Variants in SNAP25 observed in about 807,000 individuals in gnomAD.
SNAP25 encodes synaptosome associated protein 25.
SNAP25 carries 3 observed loss-of-function variants against 28.7 expected under a neutral mutation model. The ratio of observed to expected loss-of-function variants is 0.10; its 90% confidence interval spans 0.05 to 0.27. The LOEUF (loss-of-function observed/expected upper bound fraction) is 0.27. SNAP25 is among the 10% of genes least tolerant of loss of function. The probability of loss-of-function intolerance (pLI) is 1.00; values close to 1 mark genes in which losing one functional copy is unlikely to be tolerated. For missense variants in SNAP25, 117 were observed against 278.7 expected (o/e 0.42, Z 4.13); for synonymous variants, 61 against 88.1 (o/e 0.69, Z 1.72).
chr20:10,278,940 G>T (rs891078542), intron 3 of SNAP25, among the ~76,000 whole-genome samples: 11 of 143,058 alleles, frequency 7.7e-5, no homozygotes, highest in Non-Finnish European at 1.5e-4. Context: ...GGGGGTGGGA[G>T]GGTGGGGCGA....
intron 1 of SNAP25, among the ~76,000 whole-genome samples, chr20:10,249,310 T>A (rs1383229259): frequency 2.0e-5 from 3 of 152,118 alleles, no homozygotes; most frequent in Non-Finnish European, 2.9e-5. Context: ...GTGGTAGGAT[T>A]CCTGCCCCCA....
chr20:10,276,746 A>G (rs1309223037), intron 2 of SNAP25, among the ~76,000 whole-genome samples: 1 of 152,212 alleles, frequency 6.6e-6, no homozygotes, highest in Non-Finnish European at 1.5e-5. Flanking sequence ...TACAATAAAG[A>G]GAGTATTGTA....
chr20:10,261,419 C>T (rs183005933), intron 1 of SNAP25, among the ~76,000 whole-genome samples: 16 of 152,284 alleles, frequency 1.1e-4, no homozygotes, highest in African/African-American at 3.6e-4. Context: ...CCCTTGCCTA[C>T]GTTTGCACCC....
intron 1 of SNAP25, among the ~76,000 whole-genome samples, chr20:10,220,721 G>T (rs964910349): frequency 5.9e-5 from 9 of 152,132 alleles, no homozygotes; most frequent in Non-Finnish European, 1.0e-4. Flanking sequence ...GAGTAACAGC[G>T]TCATATGTAA....
At chr20:10,256,443 G>A (rs974558463) in intron 1 of SNAP25, among the ~76,000 whole-genome samples, 2 of 151,894 alleles carry the variant, frequency 1.3e-5, no homozygotes, top group Non-Finnish European at 2.9e-5. Flanking sequence ...GGATTAAAAC[G>A]TTGAATTAAA....
chr20:10,303,603 A>G (rs1328570084), intron 7 of SNAP25, among the ~76,000 whole-genome samples: 1 of 152,178 alleles, frequency 6.6e-6, no homozygotes, highest in African/African-American at 2.4e-5. Flanking sequence ...AGAGAAAAAC[A>G]GTTTGGTTTC....
chr20:10,240,950 T>C (rs532897855), intron 1 of SNAP25, among the ~76,000 whole-genome samples: 1 of 152,242 alleles, frequency 6.6e-6, no homozygotes, highest in East Asian at 1.9e-4. Flanking sequence ...CAGCAGGCTT[T>C]GGGGGTCCCT....
chr20:10,262,927 C>T (rs895094653), intron 1 of SNAP25, among the ~76,000 whole-genome samples: 1 of 135,878 alleles, frequency 7.4e-6, no homozygotes, highest in Non-Finnish European at 1.6e-5. Flanking sequence ...TGGGGGTGGG[C>T]GGTGGGGGGA....
chr20:10,296,069 G>A (rs565288448), intron 5 of SNAP25, among the ~76,000 whole-genome samples: 1 of 152,258 alleles, frequency 6.6e-6, no homozygotes, highest in South Asian at 2.1e-4. Context: ...TGCCTTTTTC[G>A]AGAATGGTCA....
rs963140918 is a variant in SNAP25 at position 10,257,614 on chromosome 20, G to A, written c.-63-17815G>A. 8.5e-5 allele frequency among the ~76,000 whole-genome samples: 13 copies of A among 152,260 alleles called. No homozygotes were observed. In the South Asian group the frequency reaches 2.1e-3, roughly 24 times the overall value. Reference sequence around the variant, plus strand: ...GTAATCCCAGCTCTCAGGAGGCTGAGGCAGGAGAATCGCTTGAACCCAGGA... The same window carrying A: ...GTAATCCCAGCTCTCAGGAGGCTGAAGCAGGAGAATCGCTTGAACCCAGGA... On this transcript the variant is annotated intron_variant, in intron 1 of 7. Coordinates refer to ENST00000254976, the MANE Select transcript of SNAP25 (RefSeq NM_130811.4).
At chr20:10,262,467 C>A (rs1237745978) in intron 1 of SNAP25, among the ~76,000 whole-genome samples, 1 of 152,156 alleles carries the variant, frequency 6.6e-6, no homozygotes, top group African/African-American at 2.4e-5. Context: ...GTCTTCAAAT[C>A]CAAGTAAGTT....
At position 10,277,680 on chromosome 20, in the gene SNAP25, C is replaced by T. The variant is rs776269607; in HGVS notation, c.73-5C>T. On this transcript the variant is annotated splice_region_variant and splice_polypyrimidine_tract_variant and intron_variant, in intron 2 of 7. Coordinates refer to ENST00000254976, the MANE Select transcript of SNAP25 (RefSeq NM_130811.4). Reference sequence around the variant, plus strand: ...GTTTATGTTTGTTTGTTTTTTAAATCTTAGTCGCTGGAAAGCACCCGTCGT... The same window carrying T: ...GTTTATGTTTGTTTGTTTTTTAAATTTTAGTCGCTGGAAAGCACCCGTCGT... 14 of 1,612,768 alleles carry T rather than the reference C, an allele frequency of 8.7e-6. No homozygotes were observed. Among genetic ancestry groups the T allele is most frequent in the African/African-American group, 1.3e-5 (1 of 74,910 alleles).
At chr20:10,258,922 A>G (rs2063365020) in intron 1 of SNAP25, among the ~76,000 whole-genome samples, 1 of 152,152 alleles carries the variant, frequency 6.6e-6, no homozygotes, top group Non-Finnish European at 1.5e-5. Flanking sequence ...AAAATTCTAG[A>G]ATATAAGCTA....
intron 2 of SNAP25, among the ~76,000 whole-genome samples, chr20:10,277,465 T>C (rs2063710014): frequency 6.6e-6 from 1 of 152,236 alleles, no homozygotes; most frequent in African/African-American, 2.4e-5. Flanking sequence ...TTTCTGAAGA[T>C]AAGCTGTAAT....
At chr20:10,277,649 C>T (rs748692610) in intron 2 of SNAP25, 36 bp from the exon 3 acceptor site, 55 of 1,594,504 alleles carry the variant, frequency 3.4e-5, no homozygotes, top group Non-Finnish European at 4.5e-5. Context: ...ATCCTGCACT[C>T]ATAAAGTTTA....
chr20:10,298,009 A>T (rs2064152161), intron 6 of SNAP25, among the ~76,000 whole-genome samples: 1 of 151,886 alleles, frequency 6.6e-6, no homozygotes, highest in African/African-American at 2.4e-5. Context: ...CTCAAGTTAC[A>T]CACATCAGCC....
intron 1 of SNAP25, 83 bp downstream of exon 1, chr20:10,219,060 G>A (rs540800281): frequency 6.6e-6 from 1 of 152,312 alleles, no homozygotes; most frequent in South Asian, 2.1e-4. Flanking sequence ...CAGTCCGAGT[G>A]GGCTTGGGTA....
intron 3 of SNAP25, 133 bp from the exon 4 acceptor site, chr20:10,284,591 T>C: frequency 1.4e-6 from 1 of 721,574 alleles, no homozygotes; most frequent in Non-Finnish European, 2.4e-6. Context: ...GCTCTTGTCA[T>C]ACTTTCTCCC....
intron 3 of SNAP25, among the ~76,000 whole-genome samples, chr20:10,283,099 G>A (rs1456867956): frequency 1.3e-5 from 2 of 152,166 alleles, no homozygotes; most frequent in East Asian, 1.9e-4. Context: ...TTGAAAAGTA[G>A]TGGTCTAGAA....
Sources: gnomAD v4.1 joint callset for allele counts (sites outside exome capture counted in the v4.1 genomes callset) on GRCh38, gnomAD v4.1.1 for gene constraint, MANE v1.5 for transcripts, NCBI Gene and HGNC (gene_info 2026-07-23, HGNC 2026-07-21) for gene names.